The following LINGO2 variants were observed in gnomAD, a reference collection of about 807,000 sequenced individuals.
LINGO2 encodes leucine rich repeat and Ig domain containing 2.
A neutral mutation model predicts 30.6 loss-of-function variants in LINGO2; 14 were observed. That is an observed-to-expected ratio of 0.46 (90% CI 0.30 to 0.72). LINGO2 has a LOEUF of 0.72. Ranked by LOEUF, LINGO2 falls within the 30% of genes least tolerant of loss-of-function variation. The pLI is 0.07. For synonymous variants in LINGO2, 317 were observed against 288.5 expected (o/e 1.10, Z -1.00); for missense variants, 729 against 751.7 (o/e 0.97, Z 0.35).
chr9:29,052,322 A>G, the LINGO2 span, among the ~76,000 whole-genome samples: 3 of 152,084 alleles, frequency 2.0e-5, no homozygotes, highest in Non-Finnish European at 4.4e-5. Flanking sequence ...AGCATAAACA[A>G]TTTTCTATGA....
the LINGO2 span, among the ~76,000 whole-genome samples, chr9:28,867,418 A>G: frequency 6.6e-6 from 1 of 152,014 alleles, no homozygotes; most frequent in East Asian, 1.9e-4. Context: ...GATTGCTAAC[A>G]ATAATAAGCA....
At chr9:28,584,662 T>A (rs1223353775) in intron 1 of LINGO2, among the ~76,000 whole-genome samples, 1 of 152,054 alleles carries the variant, frequency 6.6e-6, no homozygotes, top group African/African-American at 2.4e-5. Context: ...CTAATTCTTA[T>A]AATAGATTTT....
At chr9:28,305,976 T>G (rs984606077) in intron 3 of LINGO2, among the ~76,000 whole-genome samples, 1 of 152,100 alleles carries the variant, frequency 6.6e-6, no homozygotes, top group African/African-American at 2.4e-5. Context: ...TCAGAGTATA[T>G]GAAGTATTTG....
intron 3 of LINGO2, among the ~76,000 whole-genome samples, chr9:28,324,655 A>G (rs1301803249): frequency 1.3e-5 from 2 of 152,166 alleles, no homozygotes; most frequent in Admixed American, 1.3e-4. Flanking sequence ...GTGCCATAAC[A>G]GCTTACAAAC....
At chr9:28,533,113 C>T (rs1051040476) in intron 1 of LINGO2, among the ~76,000 whole-genome samples, 7 of 151,908 alleles carry the variant, frequency 4.6e-5, no homozygotes, top group African/African-American at 9.7e-5. Context: ...GCTGCCAGCA[C>T]GGCTAGAATA....
At chr9:29,199,843 G>T in the LINGO2 span, among the ~76,000 whole-genome samples, 2 of 152,002 alleles carry the variant, frequency 1.3e-5, no homozygotes, top group African/African-American at 4.8e-5. Flanking sequence ...TGAAAGCAAA[G>T]TGGAGAAAGA....
intron 4 of LINGO2, among the ~76,000 whole-genome samples, chr9:28,084,989 A>G (rs981045): frequency 0.55 from 83,216 of 151,856 alleles, 23,363 homozygotes; most frequent in East Asian, 0.68. Context: ...AAGGTACTCT[A>G]TGAGCATTTT....
chr9:28,959,201 T>C, the LINGO2 span, among the ~76,000 whole-genome samples: 9 of 86,828 alleles, frequency 1.0e-4, no homozygotes, highest in South Asian at 1.1e-3. Flanking sequence ...AATAAACCTA[T>C]GAGACTGAGG....
intron 1 of LINGO2, among the ~76,000 whole-genome samples, chr9:28,522,812 A>G (rs2135404375): frequency 6.6e-6 from 1 of 152,204 alleles, no homozygotes; most frequent in South Asian, 2.1e-4. Flanking sequence ...GAACCTATGA[A>G]GGAAAACAGC....
chr9:28,667,546 G>A (rs1382831165), intron 1 of LINGO2, among the ~76,000 whole-genome samples: 2 of 152,018 alleles, frequency 1.3e-5, no homozygotes, highest in Non-Finnish European at 2.9e-5. Flanking sequence ...GAGTTCAAGA[G>A]CAGTCTGGCC....
intron 1 of LINGO2, among the ~76,000 whole-genome samples, chr9:28,528,813 CAT>C (rs1821123347): frequency 6.6e-6 from 1 of 151,694 alleles, no homozygotes; most frequent in African/African-American, 2.4e-5. Flanking sequence ...TATATATACA[CAT>C]ATATGTATGT....
At chr9:29,052,072 T>A in the LINGO2 span, among the ~76,000 whole-genome samples, 1 of 152,128 alleles carries the variant, frequency 6.6e-6, no homozygotes, top group Non-Finnish European at 1.5e-5. Context: ...TTTCCTATGG[T>A]TCAACTTAAT....
chr9:28,131,928 T>C (rs1827389138), intron 4 of LINGO2, among the ~76,000 whole-genome samples: 1 of 152,130 alleles, frequency 6.6e-6, no homozygotes, highest in South Asian at 2.1e-4. Flanking sequence ...CTCAGCACAT[T>C]GTGGTAGAAA....
At chr9:28,298,450 T>A (rs1824006213) in intron 3 of LINGO2, among the ~76,000 whole-genome samples, 1 of 147,114 alleles carries the variant, frequency 6.8e-6, no homozygotes, top group Non-Finnish European at 1.5e-5. Flanking sequence ...GATCACGAGG[T>A]CAAGAGATCG....
chr9:28,154,135 T>A (rs1217450838), intron 4 of LINGO2, among the ~76,000 whole-genome samples: 1 of 152,136 alleles, frequency 6.6e-6, no homozygotes, highest in Non-Finnish European at 1.5e-5. Flanking sequence ...CTGAGGAGAC[T>A]ATCTTTTTGG....
chr9:28,609,454 T>C (rs1041839387), intron 1 of LINGO2, among the ~76,000 whole-genome samples: 8 of 151,894 alleles, frequency 5.3e-5, no homozygotes, highest in South Asian at 2.1e-4. Context: ...AAAAAAAGTA[T>C]ATAGGTAAGC....
intron 5 of LINGO2, among the ~76,000 whole-genome samples, chr9:27,969,673 C>G (rs369184425): frequency 2.0e-5 from 3 of 152,082 alleles, no homozygotes; most frequent in Non-Finnish European, 2.9e-5. Flanking sequence ...TCACGTCTTT[C>G]TGGCTCTAAA....
chr9:28,675,022 T>C (rs974986199), upstream of LINGO2, among the ~76,000 whole-genome samples: 4 of 152,180 alleles, frequency 2.6e-5, no homozygotes, highest in Non-Finnish European at 4.4e-5. Flanking sequence ...TTCTGTCATA[T>C]TATGCTTTTT....
chr9:27,988,616 C>T (rs913724876), intron 5 of LINGO2, among the ~76,000 whole-genome samples: 2 of 151,920 alleles, frequency 1.3e-5, no homozygotes, highest in Admixed American at 1.3e-4. Flanking sequence ...AGCATTTTTT[C>T]ATGTCTGTCG....
Sources: gnomAD v4.1 joint callset for allele counts (sites outside exome capture counted in the v4.1 genomes callset) on GRCh38, gnomAD v4.1.1 for gene constraint, MANE v1.5 for transcripts, NCBI Gene and HGNC (gene_info 2026-07-23, HGNC 2026-07-21) for gene names.